Variants in AK3 observed in about 807,000 individuals in gnomAD.
AK3 encodes the protein adenylate kinase 3.
Under a neutral mutation model 23.7 loss-of-function variants are expected in AK3, and 27 were observed. The ratio of observed to expected loss-of-function variants is 1.14; its 90% CI spans 0.84 to 1.57. AK3 has a LOEUF of 1.57. Ranked by LOEUF, AK3 falls within the 40% of genes most tolerant of loss-of-function variation. AK3 has a pLI of 0.00. For synonymous variants in AK3, 159 were observed against 116.0 expected (o/e 1.37, Z -2.38); for missense variants, 406 against 285.6 (o/e 1.42, Z -3.04).
chr9:4,727,651 G>A (rs190636318), intron 1 of AK3, among the ~76,000 whole-genome samples: 1 of 152,246 alleles, frequency 6.6e-6, no homozygotes, highest in African/African-American at 2.4e-5. Flanking sequence ...AGGTTGTTTT[G>A]CTTTCTTGTG....
chr9:4,739,679 C>A (rs1037902809), intron 1 of AK3, among the ~76,000 whole-genome samples: 1 of 151,954 alleles, frequency 6.6e-6, no homozygotes, highest in Non-Finnish European at 1.5e-5. Context: ...CGCCTGTAAT[C>A]CGAGCACTTT....
intron 4 of AK3, among the ~76,000 whole-genome samples, chr9:4,715,586 A>G (rs575731666): frequency 6.6e-6 from 1 of 151,864 alleles, no homozygotes; most frequent in Non-Finnish European, 1.5e-5. Flanking sequence ...TTTTGTAGAG[A>G]CAGAGTTTCA....
rs75294129 is a variant in AK3, at chr9:4,727,027, T to C, written c.152-4402A>G. ...ATACTTTCAAACGAATCTTTTTCTC[T>C]CAACAATAGTTCTCAACAGTGGGCT... On this transcript the variant is annotated intron_variant, in intron 1 of 4. Transcript: ENST00000381809. Among the ~76,000 whole-genome samples the C allele has an allele frequency of 3.2e-3, 485 of 152,250 alleles. 24 individuals carry two copies. In the East Asian group the frequency reaches 0.087, roughly 27 times the overall value.
At chr9:4,739,276 C>T (rs1842368329) in intron 1 of AK3, among the ~76,000 whole-genome samples, 1 of 151,562 alleles carries the variant, frequency 6.6e-6, no homozygotes, top group Admixed American at 6.6e-5. Flanking sequence ...CAGCAACCTC[C>T]GCCTCCCAGG....
intron 1 of AK3, among the ~76,000 whole-genome samples, chr9:4,731,543 G>A (rs1298923693): frequency 6.7e-6 from 1 of 148,530 alleles, no homozygotes; most frequent in East Asian, 2.0e-4. Context: ...ATTAAAACCT[G>A]GAGCCTATAA....
At chr9:4,718,342 A>T in intron 4 of AK3, 77 bp downstream of exon 4, 1 of 1,056,504 alleles carries the variant, frequency 9.5e-7, no homozygotes, top group Non-Finnish European at 1.5e-6. Context: ...TTAGCATTTC[A>T]GCTGTAGAGG....
intron 1 of AK3, among the ~76,000 whole-genome samples, chr9:4,740,002 G>C (rs1326540822): frequency 7.0e-6 from 1 of 143,308 alleles, no homozygotes; most frequent in Non-Finnish European, 1.5e-5. Flanking sequence ...CTGAGGTAGG[G>C]AACGAAAGAG....
intron 1 of AK3, among the ~76,000 whole-genome samples, chr9:4,733,205 G>A (rs1262082620): frequency 6.6e-6 from 1 of 151,986 alleles, no homozygotes; most frequent in Non-Finnish European, 1.5e-5. Flanking sequence ...CCTAGCTCCT[G>A]CCAAAATGCT....
At chr9:4,715,941 G>A (rs937707872) in intron 4 of AK3, among the ~76,000 whole-genome samples, 7 of 152,120 alleles carry the variant, frequency 4.6e-5, no homozygotes, top group African/African-American at 1.4e-4. Flanking sequence ...AATCGGTGCC[G>A]ACCCCAAGAC....
At chr9:4,729,000 T>TCAC (rs1563793449) in intron 1 of AK3, among the ~76,000 whole-genome samples, 1 of 49,996 alleles carries the variant, frequency 2.0e-5, no homozygotes, top group African/African-American at 4.4e-5. Context: ...CACACACACA[T>TCAC]ATATATATAT....
At chr9:4,724,341 T>A (rs934845215) in intron 1 of AK3, among the ~76,000 whole-genome samples, 1 of 152,050 alleles carries the variant, frequency 6.6e-6, no homozygotes. Context: ...CACCTCTCAC[T>A]CTTCAGGCCA....
At chr9:4,735,045 T>A (rs1351578155) in intron 1 of AK3, among the ~76,000 whole-genome samples, 1 of 151,510 alleles carries the variant, frequency 6.6e-6, no homozygotes, top group Non-Finnish European at 1.5e-5. Context: ...GGTATGAAGT[T>A]TCTTTTATGG....
At position 4,717,711 on chromosome 9, in the gene AK3, G is replaced by C. The variant is rs114050999; in HGVS notation, c.563+708C>G. On this transcript the variant is annotated intron_variant, in intron 4 of 4. Transcript: ENST00000381809. ...GTACAATATTCAGTAAATTATGTGA[G>C]ATATTCAACACTTTATTACAAAACA... 9.3e-3 allele frequency among the ~76,000 whole-genome samples: 1,419 copies of C among 152,324 alleles called. 24 individuals carry two copies. The highest frequency in any genetic ancestry group is 0.033 in the African/African-American group (1,364 of 41,564).
chr9:4,734,599 C>G (rs1842227292), intron 1 of AK3, among the ~76,000 whole-genome samples: 1 of 152,340 alleles, frequency 6.6e-6, no homozygotes, highest in South Asian at 2.1e-4. Flanking sequence ...AAAGGCCTAA[C>G]TTATTTTGTT....
Position 4,719,180 on chromosome 9 carries a change from G to A in AK3, c.399C>T (p.Ala133=). 6.2e-7 allele frequency: 1 copy of A among 1,611,916 alleles called. No individual in the cohort carries two copies. Among genetic ancestry groups the A allele is most frequent in the Non-Finnish European group, 8.5e-7 (1 of 1,179,846 alleles). ...QRLTARWIHP[A]SGRVYNIEFN... ...ATTCAATGTTATAGACTCGGCCACT[G>A]GCGGGATGAATCCAGCGAGCAGTAA... is the stretch of plus-strand genomic sequence containing the variant. Residue 133 remains alanine, a synonymous_variant, in exon 3 of 5, where the codon GCC becomes GCT. Coordinates refer to ENST00000381809, the MANE Select transcript of AK3 (RefSeq NM_016282.4).
In AK3 at chr9:4,733,333, T is replaced by TAA. The variant is rs56283523; in HGVS notation, c.151+7602_151+7603dup. On this transcript the variant is annotated intron_variant, in intron 1 of 4. Transcript: ENST00000381809. Reference sequence around the variant, plus strand: ...TAGCTTTACACCCAATCAAGGGCTTTAAAAAAAAACCTTTCTCAAATAATA... The same window carrying TAA: ...TAGCTTTACACCCAATCAAGGGCTTTAAAAAAAAAAACCTTTCTCAAATAATA... Among the ~76,000 whole-genome samples, 413 of 151,356 alleles carry TAA rather than the reference T, an allele frequency of 2.7e-3. 1 individual carries two copies. Among genetic ancestry groups the TAA allele is most frequent in the African/African-American group, 9.3e-3 (386 of 41,294 alleles).
At chr9:4,740,251 A>C (rs12348423) in intron 1 of AK3, among the ~76,000 whole-genome samples, 40,698 of 152,034 alleles carry the variant, frequency 0.27, 5,799 homozygotes, top group African/African-American at 0.34. Context: ...TTTACATACC[A>C]CAAATTCACC....
chr9:4,719,364 G>A (rs1587641194), intron 2 of AK3, 57 bp from the exon 3 acceptor site: 1 of 773,350 alleles, frequency 1.3e-6, no homozygotes, highest in Non-Finnish European at 1.9e-6. Flanking sequence ...ATGGGGTGGG[G>A]GTGGGGCGGG....
chr9:4,738,352 G>T (rs891746836), intron 1 of AK3, among the ~76,000 whole-genome samples: 1 of 152,052 alleles, frequency 6.6e-6, no homozygotes, highest in East Asian at 1.9e-4. Context: ...TTTTAGTAGA[G>T]ACAGGGTTTT....
Sources: gnomAD v4.1 joint callset for allele counts (sites outside exome capture counted in the v4.1 genomes callset) on GRCh38, gnomAD v4.1.1 for gene constraint, MANE v1.5 for transcripts, NCBI Gene and HGNC (gene_info 2026-07-23, HGNC 2026-07-21) for gene names.